The following SYT16 variants were observed in gnomAD, a reference collection of about 807,000 sequenced individuals.
SYT16 encodes synaptotagmin 16, also known as synaptotagmin-16.
In SYT16, 42 loss-of-function variants were observed where a neutral mutation model predicts 61.4. The observed-to-expected ratio is 0.68, with a 90% CI of 0.53 to 0.89. The LOEUF is 0.89. SYT16 is among the 40% of genes least tolerant of loss of function. The pLI is 0.00. For missense variants in SYT16, 804 were observed against 807.3 expected, an observed-to-expected ratio of 1.00 and a Z score of 0.05; for synonymous variants, 314 against 302.3, an observed-to-expected ratio of 1.04 and a Z score of -0.40.
At chr14:61,874,271 T>C (rs1317560355) in intron 1 of SYT16, among the ~76,000 whole-genome samples, 1 of 152,190 alleles carries the variant, frequency 6.6e-6, no homozygotes, top group Non-Finnish European at 1.5e-5. Context: ...AGTTGACCCT[T>C]GAACAATGTG....
chr14:61,857,658 T>C (rs74057541), intron 1 of SYT16, among the ~76,000 whole-genome samples: 13,359 of 152,022 alleles, frequency 0.088, 621 homozygotes, highest in Non-Finnish European at 0.1. Flanking sequence ...CTTCTTAAGA[T>C]GGGAGAAATA....
chr14:61,891,702 C>G (rs1398071867), intron 1 of SYT16, among the ~76,000 whole-genome samples: 2 of 152,062 alleles, frequency 1.3e-5, no homozygotes, highest in Non-Finnish European at 2.9e-5. Context: ...AAGAATGAAG[C>G]CAGAAAATAT....
chr14:61,953,616 G>A (rs1053911368), intron 1 of SYT16, among the ~76,000 whole-genome samples: 1 of 152,162 alleles, frequency 6.6e-6, no homozygotes, highest in African/African-American at 2.4e-5. Flanking sequence ...GAATTCTGAG[G>A]TCTAGGGCCT....
At chr14:61,898,137 C>T (rs1001298048) in intron 1 of SYT16, among the ~76,000 whole-genome samples, 26 of 152,176 alleles carry the variant, frequency 1.7e-4, no homozygotes, top group African/African-American at 5.3e-4. Flanking sequence ...TGTGCCAATT[C>T]TTAGCTTCTA....
Position 62,100,968 on chromosome 14 carries a change from G to A in SYT16, c.*261G>A, listed in dbSNP as rs2057405376. 2 of 377,304 alleles carry A rather than the reference G, an allele frequency of 5.3e-6. No homozygotes were observed. The highest frequency in any genetic ancestry group is 4.4e-5 in the South Asian group (1 of 22,588). 23.4% of individuals were successfully genotyped at this position (377,304 alleles called of 1,614,324 possible). ...TAAGACCACTGATGAGTTAATTTGT[G>A]CCAATAGATCATTGAGTTTTAGTTC... On this transcript the variant is annotated 3_prime_UTR_variant, in exon 8 of 8. Transcript: ENST00000683842.
intron 3 of SYT16, among the ~76,000 whole-genome samples, chr14:62,038,218 T>C (rs1337235755): frequency 6.6e-6 from 1 of 151,122 alleles, no homozygotes; most frequent in Non-Finnish European, 1.5e-5. Flanking sequence ...ATGGGTTGGA[T>C]TCTGAGGCCA....
At chr14:61,836,724 T>C (rs1452180944) in intron 1 of SYT16, among the ~76,000 whole-genome samples, 2 of 152,222 alleles carry the variant, frequency 1.3e-5, no homozygotes, top group African/African-American at 4.8e-5. Context: ...CATGGCAGCT[T>C]ACAGAATTGA....
intron 2 of SYT16, among the ~76,000 whole-genome samples, chr14:61,975,854 A>T (rs1834808930): frequency 6.6e-6 from 1 of 152,170 alleles, no homozygotes; most frequent in South Asian, 2.1e-4. Context: ...CAAACCAATA[A>T]TGCCTTCCCA....
chr14:62,072,327 C>T (rs2056328473), intron 4 of SYT16, among the ~76,000 whole-genome samples: 1 of 152,198 alleles, frequency 6.6e-6, no homozygotes, highest in Non-Finnish European at 1.5e-5. Flanking sequence ...AGCAGGATTA[C>T]ATGCATATAT....
At chr14:62,073,083 C>T (rs967003068) in intron 4 of SYT16, among the ~76,000 whole-genome samples, 2 of 152,128 alleles carry the variant, frequency 1.3e-5, no homozygotes, top group Admixed American at 6.5e-5. Context: ...CGCAACTTGA[C>T]TTGTACCCCA....
chr14:62,011,870 TATATAC>T (rs1367614389), intron 3 of SYT16, among the ~76,000 whole-genome samples: 18 of 124,024 alleles, frequency 1.5e-4, no homozygotes, highest in African/African-American at 2.8e-4. Flanking sequence ...GGGAACACTA[TATATAC>T]ACACACACAC....
chr14:61,851,049 C>T (rs1315485958), intron 1 of SYT16, among the ~76,000 whole-genome samples: 1 of 152,088 alleles, frequency 6.6e-6, no homozygotes, highest in Non-Finnish European at 1.5e-5. Flanking sequence ...CTTCCTGATG[C>T]TCTCCCTCCT....
intron 3 of SYT16, among the ~76,000 whole-genome samples, chr14:62,052,708 C>T (rs1453123182): frequency 6.6e-6 from 1 of 152,008 alleles, no homozygotes; most frequent in Non-Finnish European, 1.5e-5. Context: ...GAGGTGGAGC[C>T]CTCATGAGTG....
At chr14:62,027,432 G>A (rs1000266376) in intron 3 of SYT16, among the ~76,000 whole-genome samples, 2 of 152,194 alleles carry the variant, frequency 1.3e-5, no homozygotes, top group African/African-American at 4.8e-5. Context: ...CTGTATAAGG[G>A]CACATGGAAG....
At chr14:61,881,128 G>T (rs1258483810) in intron 1 of SYT16, among the ~76,000 whole-genome samples, 1 of 151,982 alleles carries the variant, frequency 6.6e-6, no homozygotes, top group Non-Finnish European at 1.5e-5. Context: ...ATATTTTTCT[G>T]GTCTTATTGA....
chr14:62,088,952 A>G (rs754548423), intron 7 of SYT16, among the ~76,000 whole-genome samples: 1 of 140,384 alleles, frequency 7.1e-6, no homozygotes, highest in Non-Finnish European at 1.5e-5. Context: ...GTGGTTGGCA[A>G]TACTTTTTTT....
intron 1 of SYT16, among the ~76,000 whole-genome samples, chr14:61,871,579 G>A (rs1027138116): frequency 1.3e-5 from 2 of 152,002 alleles, no homozygotes; most frequent in African/African-American, 4.8e-5. Context: ...CTTTCTCTCA[G>A]GGATCACCAT....
At chr14:61,937,102 G>A (rs1165081544) in intron 1 of SYT16, among the ~76,000 whole-genome samples, 1 of 152,226 alleles carries the variant, frequency 6.6e-6, no homozygotes, top group Admixed American at 6.5e-5. Flanking sequence ...GCTGGCTGGA[G>A]CAGGGATTTC....
intron 1 of SYT16, among the ~76,000 whole-genome samples, chr14:61,916,796 C>A (rs2049138727): frequency 6.6e-6 from 1 of 152,078 alleles, no homozygotes; most frequent in Admixed American, 6.6e-5. Context: ...TCCATGAGAT[C>A]CACTTTTTTT....
Sources: allele counts gnomAD v4.1 joint callset (sites outside exome capture counted in the v4.1 genomes callset), GRCh38; gene constraint gnomAD v4.1.1; transcripts MANE v1.5; gene names NCBI Gene and HGNC (gene_info 2026-07-23, HGNC 2026-07-21).